Variants in ANXA13 observed in about 807,000 individuals in gnomAD.
ANXA13 encodes the protein annexin XIII.
Under a neutral mutation model 46.6 loss-of-function variants are expected in ANXA13, and 36 were observed. That is an observed-to-expected ratio of 0.77 (90% confidence interval 0.59 to 1.02). ANXA13 has a LOEUF of 1.02. ANXA13 is among the 50% of genes least tolerant of loss of function. ANXA13 has a pLI of 0.00. For synonymous variants in ANXA13, 163 were observed against 152.9 expected (o/e 1.07, Z -0.49); for missense variants, 417 against 396.5 (o/e 1.05, Z -0.44).
At chr8:123,721,020 A>G (rs1404857572) in intron 1 of ANXA13, among the ~76,000 whole-genome samples, 1 of 152,198 alleles carries the variant, frequency 6.6e-6, no homozygotes, top group African/African-American at 2.4e-5. Flanking sequence ...CCAGTTGAAC[A>G]GTGCTTCATT....
chr8:123,730,439 A>T (rs1814093826), intron 1 of ANXA13, among the ~76,000 whole-genome samples: 1 of 152,186 alleles, frequency 6.6e-6, no homozygotes. Context: ...AAAGCCTTCC[A>T]AGGAACTCTA....
At chr8:123,736,256 TCA>T (rs1814265510) in intron 1 of ANXA13, among the ~76,000 whole-genome samples, 2 of 152,338 alleles carry the variant, frequency 1.3e-5, no homozygotes, top group Admixed American at 6.5e-5. Context: ...TATTCTCTGC[TCA>T]TAGTGTGCAT....
chr8:123,733,125 T>C (rs909213580), intron 1 of ANXA13, among the ~76,000 whole-genome samples: 26 of 152,140 alleles, frequency 1.7e-4, no homozygotes, highest in Admixed American at 1.6e-3. Flanking sequence ...ATTGTGCCAC[T>C]GCACTCCAGC....
chr8:123,731,608 A>G (rs117866989), intron 1 of ANXA13, among the ~76,000 whole-genome samples: 6,386 of 152,200 alleles, frequency 0.042, 316 homozygotes, highest in East Asian at 0.19. Context: ...AGTGGCTCGC[A>G]CCTGTAATCA....
intron 2 of ANXA13, among the ~76,000 whole-genome samples, chr8:123,704,673 A>T (rs1813508201): frequency 6.6e-6 from 1 of 152,156 alleles, no homozygotes; most frequent in African/African-American, 2.4e-5. Context: ...CTAGGATGAC[A>T]GGCATGAGCC....
chr8:123,726,670 A>G (rs1238795358), intron 1 of ANXA13, among the ~76,000 whole-genome samples: 2 of 152,220 alleles, frequency 1.3e-5, no homozygotes, highest in Admixed American at 1.3e-4. Context: ...CTGGTATAAG[A>G]ACTACTATTT....
intron 9 of ANXA13, 144 bp from the exon 10 acceptor site, chr8:123,684,866 G>A (rs1425613844): frequency 3.2e-6 from 2 of 632,432 alleles, no homozygotes; most frequent in African/African-American, 1.8e-5. Flanking sequence ...TGACACCGTT[G>A]CGAAATGAGA....
At position 123,698,399 on chromosome 8, in the gene ANXA13, C is replaced by T. The variant is rs760649655; in HGVS notation, c.347G>A (p.Arg116Lys). 1.2e-6 allele frequency: 2 copies of T among 1,613,952 alleles called. No individual in the cohort carries two copies. The highest frequency in any genetic ancestry group is 2.7e-5 in the African/African-American group (2 of 74,918). Reference sequence around the variant, plus strand: ...TCAGCTGGGACTGACCTTATTGGTCCTCGTGCACAGGACCTCAATGAGGAC... The same window carrying T: ...TCAGCTGGGACTGACCTTATTGGTCTTCGTGCACAGGACCTCAATGAGGAC... The part of the protein sequence containing the change: ...ESVLIEVLCT[R>K]TNKEIIAIKE... The change falls in exon 4 of 11, where the codon AGG (arginine) becomes AAG (lysine). Residue 116 changes from arginine (R) to lysine (K), a missense_variant. Coordinates refer to ENST00000419625, the MANE Select transcript of ANXA13 (RefSeq NM_004306.4).
At chr8:123,716,673 G>T (rs1373003016) in intron 1 of ANXA13, among the ~76,000 whole-genome samples, 2 of 152,152 alleles carry the variant, frequency 1.3e-5, no homozygotes, top group Non-Finnish European at 2.9e-5. Flanking sequence ...GCGATGCTCA[G>T]TGCTGATGGA....
At chr8:123,710,147 G>A (rs1169001298) in intron 2 of ANXA13, among the ~76,000 whole-genome samples, 1 of 152,152 alleles carries the variant, frequency 6.6e-6, no homozygotes, top group African/African-American at 2.4e-5. Context: ...CAAAAAATTT[G>A]TGGCCATATT....
chr8:123,731,943 C>T (rs1279820364), intron 1 of ANXA13, among the ~76,000 whole-genome samples: 1 of 152,060 alleles, frequency 6.6e-6, no homozygotes, highest in Non-Finnish European at 1.5e-5. Flanking sequence ...AATAGTTATG[C>T]AGAGAGAACT....
intron 1 of ANXA13, among the ~76,000 whole-genome samples, chr8:123,717,938 C>T (rs1813788555): frequency 6.6e-6 from 1 of 152,214 alleles, no homozygotes; most frequent in Non-Finnish European, 1.5e-5. Context: ...ACGCTGCTAA[C>T]GCTGTACCTC....
intron 4 of ANXA13, among the ~76,000 whole-genome samples, chr8:123,697,064 C>T (rs898720572): frequency 1.3e-5 from 2 of 152,138 alleles, no homozygotes; most frequent in Non-Finnish European, 2.9e-5. Flanking sequence ...TGCATGGCGC[C>T]ACACCTGGCT....
At chr8:123,727,625 C>G (rs982116700) in intron 1 of ANXA13, 6 of 150,338 alleles carry the variant, frequency 4.0e-5, no homozygotes, top group Admixed American at 1.3e-4. Context: ...ATGCACAGAA[C>G]AGACAGCCCC....
intron 1 of ANXA13, among the ~76,000 whole-genome samples, chr8:123,727,205 A>G (rs567647252): frequency 2.2e-4 from 34 of 152,284 alleles, no homozygotes; most frequent in African/African-American, 7.9e-4. Context: ...CTACAGAAAT[A>G]AAGAATTTTT....
intron 4 of ANXA13, among the ~76,000 whole-genome samples, chr8:123,696,488 G>A (rs994486644): frequency 1.3e-5 from 2 of 152,154 alleles, no homozygotes; most frequent in African/African-American, 4.8e-5. Context: ...GTGCCAAGGG[G>A]TGCACCTCAG....
intron 10 of ANXA13, among the ~76,000 whole-genome samples, chr8:123,683,411 C>T (rs1341763941): frequency 7.0e-6 from 1 of 143,822 alleles, no homozygotes; most frequent in East Asian, 2.0e-4. Context: ...TCACCTCCCC[C>T]TTCATTTAAC....
intron 6 of ANXA13, among the ~76,000 whole-genome samples, chr8:123,694,740 T>A (rs1813299075): frequency 6.6e-6 from 1 of 152,186 alleles, no homozygotes; most frequent in South Asian, 2.1e-4. Flanking sequence ...ATCTCCAAGA[T>A]ACTACTTGGA....
At chr8:123,682,790 C>T (rs1470675511) in intron 10 of ANXA13, among the ~76,000 whole-genome samples, 1 of 152,150 alleles carries the variant, frequency 6.6e-6, no homozygotes, top group Non-Finnish European at 1.5e-5. Flanking sequence ...GGAAATCTGG[C>T]CAAACTACTA....
Sources: allele counts gnomAD v4.1 joint callset (sites outside exome capture counted in the v4.1 genomes callset), GRCh38; gene constraint gnomAD v4.1.1; transcripts MANE v1.5; gene names NCBI Gene and HGNC (gene_info 2026-07-23, HGNC 2026-07-21).